PHKB: variants seen among roughly 807,000 people sequenced by gnomAD.
PHKB encodes phosphorylase b kinase regulatory subunit beta.
Under a neutral mutation model 152.1 loss-of-function variants are expected in PHKB, and 122 were observed. The ratio of observed to expected loss-of-function variants is 0.80; its 90% CI spans 0.69 to 0.93. PHKB has a LOEUF of 0.93. PHKB is among the 40% of genes least tolerant of loss of function. The pLI, the probability that PHKB is intolerant of heterozygous loss-of-function variation, is 0.00. For missense variants in PHKB, 1,304 were observed against 1,328.4 expected (o/e 0.98, Z 0.29); for synonymous variants, 436 against 464.9 (o/e 0.94, Z 0.80).
rs540220016 is a variant in PHKB, at chr16:47,681,235, A to G, written c.2631-7806A>G. On this transcript the variant is annotated intron_variant, in intron 26 of 30. Coordinates refer to ENST00000323584, the MANE Select transcript of PHKB (RefSeq NM_000293.3). ...TAGGTGTGGTGTGGTGTTGAAAAAA[A>G]TGTATATTCTGTTGATTTGGGGTGG... is the stretch of plus-strand genomic sequence containing the variant. Among the ~76,000 whole-genome samples, 56 of 152,072 alleles carry G rather than the reference A, an allele frequency of 3.7e-4. 1 individual carries two copies. In the Middle Eastern group the frequency reaches 0.01, roughly 28 times the overall value.
At chr16:47,511,600 T>C in intron 4 of PHKB, 65 bp from the exon 5 acceptor site, 1 of 1,162,974 alleles carries the variant, frequency 8.6e-7, no homozygotes, top group Non-Finnish European at 1.3e-6. Context: ...AAAATAGCTT[T>C]TAATCTATAG....
intron 28 of PHKB, among the ~76,000 whole-genome samples, chr16:47,694,934 A>G (rs1974122453): frequency 6.6e-6 from 1 of 152,230 alleles, no homozygotes; most frequent in African/African-American, 2.4e-5. Context: ...AAAAATAACA[A>G]TAAGACAATA....
chr16:47,641,483 A>G, intron 15 of PHKB, 116 bp from the exon 16 acceptor site: 2 of 697,868 alleles, frequency 2.9e-6, no homozygotes, highest in East Asian at 2.7e-5. Flanking sequence ...GCTAATACTA[A>G]CAAATTAATA....
intron 14 of PHKB, among the ~76,000 whole-genome samples, chr16:47,635,167 C>T (rs374036376): frequency 1.0e-3 from 156 of 152,184 alleles, no homozygotes; most frequent in Non-Finnish European, 1.7e-3. Flanking sequence ...ATTAGCAGCA[C>T]GTCACAGAGG....
chr16:47,648,612 C>G lies in PHKB; in HGVS notation c.1688C>G (p.Ser563Ter), dbSNP rs1292721679. 2 of 1,606,270 alleles carry G rather than the reference C, an allele frequency of 1.2e-6. No individual in the cohort carries two copies. Among genetic ancestry groups the G allele is most frequent in the South Asian group, 1.1e-5 (1 of 90,892 alleles). The change falls in exon 17 of 31, where the codon TCA (serine) becomes TGA (stop). Residue 563 changes from serine (S) to a stop codon, truncating the protein, a stop_gained. Coordinates refer to ENST00000323584, the MANE Select transcript of PHKB (RefSeq NM_000293.3). LOFTEE classifies it high-confidence loss of function. ...PDRPIGCLGT[S>*]KIYRILGKTV... ...AGGCCCATTGGCTGCCTCGGGACAT[C>G]AAAGGTACTCATGAAATGTCCTCAA...
intron 10 of PHKB, 92 bp from the exon 11 acceptor site, chr16:47,593,408 C>A: frequency 2.7e-6 from 2 of 753,860 alleles, no homozygotes; most frequent in South Asian, 3.0e-5. Context: ...CCACTGCACT[C>A]CAGCCTGGGC....
chr16:47,559,869 C>A (rs570086242), intron 7 of PHKB, among the ~76,000 whole-genome samples: 10 of 152,268 alleles, frequency 6.6e-5, no homozygotes, highest in Admixed American at 2.0e-4. Flanking sequence ...TAAACCACCA[C>A]GGGTCCTTCA....
intron 6 of PHKB, among the ~76,000 whole-genome samples, chr16:47,546,224 G>A (rs533711516): frequency 6.6e-6 from 1 of 152,162 alleles, no homozygotes; most frequent in Non-Finnish European, 1.5e-5. Context: ...CGTCTTTGTG[G>A]CTTTACCTAC....
intron 10 of PHKB, among the ~76,000 whole-genome samples, chr16:47,592,596 T>G (rs2151699540): frequency 6.6e-6 from 1 of 152,360 alleles, no homozygotes; most frequent in East Asian, 1.9e-4. Flanking sequence ...CAAGGCAGAC[T>G]CAGGTGTTCC....
At chr16:47,685,207 A>G (rs928198055) in intron 26 of PHKB, among the ~76,000 whole-genome samples, 6 of 152,206 alleles carry the variant, frequency 3.9e-5, no homozygotes, top group Admixed American at 2.6e-4. Context: ...TGGGCGGATC[A>G]CGAGGTTAGG....
intron 16 of PHKB, among the ~76,000 whole-genome samples, chr16:47,646,561 T>TAAAAAAAAAAAAAAAAAAAAAA (rs1456479779): frequency 9.6e-6 from 1 of 104,668 alleles, no homozygotes; most frequent in Non-Finnish European, 2.0e-5. Flanking sequence ...AAATAAAAAA[T>TAAAAAAAAAAAAAAAAAAAAAA]AAAAAAATAA....
At chr16:47,491,541 C>G (rs1268685580) in intron 1 of PHKB, among the ~76,000 whole-genome samples, 1 of 152,126 alleles carries the variant, frequency 6.6e-6, no homozygotes, top group Non-Finnish European at 1.5e-5. Flanking sequence ...ATATTTCATC[C>G]AAGCACTTTT....
intron 1 of PHKB, among the ~76,000 whole-genome samples, chr16:47,496,118 C>G (rs1970228151): frequency 6.6e-6 from 1 of 151,748 alleles, no homozygotes. Context: ...GAATCTTAAT[C>G]TGTGCCAATG....
At chr16:47,550,275 C>T (rs1971248820) in intron 7 of PHKB, among the ~76,000 whole-genome samples, 2 of 152,150 alleles carry the variant, frequency 1.3e-5, no homozygotes, top group Admixed American at 6.6e-5. Flanking sequence ...GAATGTAGAG[C>T]TGCTACTAGC....
intron 7 of PHKB, among the ~76,000 whole-genome samples, chr16:47,567,464 G>A (rs1971588836): frequency 6.6e-6 from 1 of 152,080 alleles, no homozygotes; most frequent in African/African-American, 2.4e-5. Context: ...TTTTCTAGGT[G>A]TAAAATCAGA....
At chr16:47,690,593 G>A (rs1370066748) in intron 27 of PHKB, among the ~76,000 whole-genome samples, 1 of 152,196 alleles carries the variant, frequency 6.6e-6, no homozygotes, top group Non-Finnish European at 1.5e-5. Flanking sequence ...ATACCCATGA[G>A]TCTATGCTAA....
intron 1 of PHKB, among the ~76,000 whole-genome samples, chr16:47,486,489 G>A (rs1022884010): frequency 6.6e-5 from 10 of 152,164 alleles, no homozygotes; most frequent in African/African-American, 2.4e-4. Flanking sequence ...CATATAGACT[G>A]TTGTTCTATG....
At chr16:47,599,366 A>G (rs2151703416) in intron 13 of PHKB, among the ~76,000 whole-genome samples, 1 of 152,328 alleles carries the variant, frequency 6.6e-6, no homozygotes, top group East Asian at 1.9e-4. Flanking sequence ...GTACAACTAG[A>G]AAGAATGTTG....
chr16:47,658,544 T>G (rs770162759), intron 20 of PHKB, among the ~76,000 whole-genome samples: 2 of 152,190 alleles, frequency 1.3e-5, no homozygotes, highest in Non-Finnish European at 2.9e-5. Flanking sequence ...ACGTATACAA[T>G]GGAGGTCTCA....
Sources: gnomAD v4.1 joint callset for allele counts (sites outside exome capture counted in the v4.1 genomes callset) on GRCh38, gnomAD v4.1.1 for gene constraint, MANE v1.5 for transcripts, NCBI Gene and HGNC (gene_info 2026-07-23, HGNC 2026-07-21) for gene names.